The following DLGAP2 variants were observed in gnomAD, a reference collection of about 807,000 sequenced individuals.
DLGAP2 encodes DLG associated protein 2, also known as disks large-associated protein 2.
In DLGAP2, 26 loss-of-function variants were observed where a neutral mutation model predicts 100.3. That is an observed-to-expected ratio of 0.26 (90% CI 0.19 to 0.36). The LOEUF is 0.36. Among genes scored for constraint, DLGAP2 ranks in the 10% least tolerant of loss-of-function variants. The pLI is 1.00. For missense variants in DLGAP2, 1,858 were observed against 1,453.2 expected, an observed-to-expected ratio of 1.28 and a Z score of -4.53; for synonymous variants, 886 against 630.1, an observed-to-expected ratio of 1.41 and a Z score of -6.08.
chr8:1,649,834 CTATT>C (rs1159806321), intron 8 of DLGAP2, among the ~76,000 whole-genome samples: 1 of 151,906 alleles, frequency 6.6e-6, no homozygotes, highest in African/African-American at 2.4e-5. Flanking sequence ...ATTTGTATCT[CTATT>C]TATTTATTTA....
intron 3 of DLGAP2, among the ~76,000 whole-genome samples, chr8:1,274,285 C>T (rs1022313106): frequency 3.4e-4 from 52 of 152,240 alleles, no homozygotes; most frequent in Non-Finnish European, 7.2e-4. Flanking sequence ...TGGAATGACG[C>T]ACGCATGACA....
chr8:1,427,147 A>T (rs1050247515), intron 3 of DLGAP2, among the ~76,000 whole-genome samples: 1 of 152,236 alleles, frequency 6.6e-6, no homozygotes, highest in East Asian at 1.9e-4. Flanking sequence ...CATAATAAGT[A>T]TGAACTAATA....
intron 3 of DLGAP2, among the ~76,000 whole-genome samples, chr8:1,275,459 C>A (rs1009052464): frequency 1.3e-5 from 2 of 151,716 alleles, no homozygotes; most frequent in Non-Finnish European, 2.9e-5. Flanking sequence ...GGTCCTGGGG[C>A]CATCCGGAGA....
At chr8:1,507,268 C>T (rs1270270844) in intron 4 of DLGAP2, among the ~76,000 whole-genome samples, 1 of 152,238 alleles carries the variant, frequency 6.6e-6, no homozygotes, top group East Asian at 1.9e-4. Flanking sequence ...GAGGCTCAGG[C>T]ATGGCGGGCT....
intron 9 of DLGAP2, 109 bp from the exon 10 acceptor site, chr8:1,669,634 C>T (rs1229561305): frequency 1.2e-5 from 9 of 757,184 alleles, no homozygotes; most frequent in African/African-American, 6.8e-5. Context: ...GAGCCGGGCC[C>T]GTGCGGCGCT....
At chr8:1,134,465 T>A (rs575455155) in intron 2 of DLGAP2, among the ~76,000 whole-genome samples, 1 of 152,242 alleles carries the variant, frequency 6.6e-6, no homozygotes, top group Non-Finnish European at 1.5e-5. Flanking sequence ...TATAAGCAAT[T>A]CCTTTTTTTC....
chr8:1,269,392 C>G (rs1799534095), intron 3 of DLGAP2, among the ~76,000 whole-genome samples: 1 of 152,234 alleles, frequency 6.6e-6, no homozygotes, highest in African/African-American at 2.4e-5. Flanking sequence ...TGGCTTCACA[C>G]AGCAGTTGCG....
At chr8:1,528,481 G>A (rs1800870982) in intron 4 of DLGAP2, among the ~76,000 whole-genome samples, 1 of 152,238 alleles carries the variant, frequency 6.6e-6, no homozygotes. Context: ...AAAGGGCGGT[G>A]CCTCCACCAG....
intron 3 of DLGAP2, among the ~76,000 whole-genome samples, chr8:1,359,576 A>G (rs760957323): frequency 3.3e-5 from 5 of 152,208 alleles, no homozygotes; most frequent in Non-Finnish European, 7.3e-5. Flanking sequence ...CAGGCCGCTC[A>G]GCGGGAGTGT....
At chr8:1,560,517 C>A (rs1370889327) in intron 5 of DLGAP2, among the ~76,000 whole-genome samples, 2 of 152,178 alleles carry the variant, frequency 1.3e-5, no homozygotes, top group Non-Finnish European at 2.9e-5. Flanking sequence ...ACCAATTCCC[C>A]AGTCCCTGAC....
chr8:1,444,149 G>T (rs986993797), intron 3 of DLGAP2, among the ~76,000 whole-genome samples: 9 of 152,056 alleles, frequency 5.9e-5, no homozygotes, highest in Non-Finnish European at 1.0e-4. Context: ...GCAGTGGCGC[G>T]ATCATAGCTC....
intron 2 of DLGAP2, among the ~76,000 whole-genome samples, chr8:1,023,552 G>T (rs963458429): frequency 1.3e-5 from 2 of 151,732 alleles, no homozygotes; most frequent in African/African-American, 4.8e-5. Context: ...AATGACCTTT[G>T]TGTGTGTGAA....
At chr8:1,281,561 A>G (rs10107347) in intron 3 of DLGAP2, among the ~76,000 whole-genome samples, 55,473 of 152,054 alleles carry the variant, frequency 0.36, 11,108 homozygotes, top group African/African-American at 0.53. Context: ...CATTAAAGAC[A>G]TGAGCGGAGA....
At position 870,851 on chromosome 8, in the gene DLGAP2, C is replaced by T. The variant is rs865880810; in HGVS notation, c.19-37061C>T. Among the ~76,000 whole-genome samples the T allele has an allele frequency of 1.4e-4, 22 of 152,264 alleles. 1 individual carries two copies. In the Middle Eastern group the frequency reaches 0.014, roughly 94 times the overall value. The stretch of plus-strand genomic sequence containing the variant: ...TGGAGTCTTGGCTCTCTTTCCCTCA[C>T]CGCTGATAAGGACAGAACTCGGGAA... On this transcript the variant is annotated intron_variant, in intron 1 of 14. Transcript: ENST00000637795.
chr8:1,467,723 C>T (rs1798665770), intron 3 of DLGAP2, among the ~76,000 whole-genome samples: 1 of 152,196 alleles, frequency 6.6e-6, no homozygotes, highest in Non-Finnish European at 1.5e-5. Context: ...CCTGGCTGCT[C>T]TCCATAGCTC....
chr8:1,558,591 C>A (rs1017031280), intron 5 of DLGAP2, among the ~76,000 whole-genome samples: 16 of 149,952 alleles, frequency 1.1e-4, no homozygotes, highest in African/African-American at 4.0e-4. Context: ...CATAGGCATG[C>A]ATGCACACCC....
intron 1 of DLGAP2, chr8:753,449 C>T (rs1276877759): frequency 1.3e-5 from 2 of 152,228 alleles, no homozygotes; most frequent in African/African-American, 2.4e-5. Flanking sequence ...CGAACATTTA[C>T]TTCCAGGAAA....
chr8:1,268,468 C>G (rs890178634), intron 3 of DLGAP2, among the ~76,000 whole-genome samples: 2 of 152,182 alleles, frequency 1.3e-5, no homozygotes, highest in Non-Finnish European at 2.9e-5. Flanking sequence ...TGTGGGATAG[C>G]GTCTGACAGC....
intron 2 of DLGAP2, among the ~76,000 whole-genome samples, chr8:1,150,002 G>C (rs1237984642): frequency 1.3e-5 from 2 of 152,208 alleles, no homozygotes; most frequent in Non-Finnish European, 2.9e-5. Flanking sequence ...AGGTCAGTAA[G>C]ACATCAGTGT....
Sources: allele counts gnomAD v4.1 joint callset (sites outside exome capture counted in the v4.1 genomes callset), GRCh38; gene constraint gnomAD v4.1.1; transcripts MANE v1.5; gene names NCBI Gene and HGNC (gene_info 2026-07-23, HGNC 2026-07-21).